The following KATNAL1 variants were observed in gnomAD, a reference collection of about 807,000 sequenced individuals.
The protein encoded by KATNAL1 is katanin catalytic subunit A1 like 1, also known as katanin p60 ATPase-containing subunit A-like 1.
In KATNAL1, 32 loss-of-function variants were observed where a neutral mutation model predicts 55.2. The observed-to-expected ratio is 0.58, with a 90% CI of 0.44 to 0.78. KATNAL1 has a LOEUF of 0.78. KATNAL1 is among the 30% of genes least tolerant of loss of function. The pLI, the probability that KATNAL1 is intolerant of heterozygous loss-of-function variation, is 0.00. For synonymous variants in KATNAL1, 193 were observed against 193.6 expected (o/e 1.00, Z 0.02); for missense variants, 466 against 600.9 (o/e 0.78, Z 2.35).
intron 1 of KATNAL1, among the ~76,000 whole-genome samples, chr13:30,298,652 T>C (rs868331076): frequency 6.6e-6 from 1 of 151,948 alleles, no homozygotes; most frequent in Admixed American, 6.5e-5. Flanking sequence ...ATTTGAAAAA[T>C]AATCAAAAAG....
intron 4 of KATNAL1, among the ~76,000 whole-genome samples, chr13:30,254,220 C>A (rs943510191): frequency 1.3e-5 from 2 of 152,050 alleles, no homozygotes; most frequent in Non-Finnish European, 2.9e-5. Context: ...AGAAAAGAAA[C>A]AAAAATAATA....
chr13:30,282,863 G>T (rs1404548200), intron 2 of KATNAL1, among the ~76,000 whole-genome samples: 2 of 150,404 alleles, frequency 1.3e-5, no homozygotes, highest in Admixed American at 6.6e-5. Flanking sequence ...GCTGAGGCAG[G>T]AGAATGGCGT....
chr13:30,251,260 A>AC (rs375144272), intron 4 of KATNAL1, among the ~76,000 whole-genome samples: 6 of 151,884 alleles, frequency 4.0e-5, no homozygotes, highest in Non-Finnish European at 7.4e-5. Flanking sequence ...AAGTAAAAAA[A>AC]ATCCTTTCGT....
intron 9 of KATNAL1, among the ~76,000 whole-genome samples, chr13:30,214,092 C>T (rs1157006204): frequency 6.6e-6 from 1 of 152,160 alleles, no homozygotes; most frequent in East Asian, 1.9e-4. Context: ...GATACAAAAT[C>T]AATGTACAAA....
chr13:30,235,614 C>T (rs1449684519), intron 6 of KATNAL1, among the ~76,000 whole-genome samples: 1 of 152,244 alleles, frequency 6.6e-6, no homozygotes, highest in African/African-American at 2.4e-5. Flanking sequence ...TCCATATTGT[C>T]ACACATCCAG....
chr13:30,219,310 A>C (rs1874618440), intron 9 of KATNAL1, among the ~76,000 whole-genome samples: 1 of 152,126 alleles, frequency 6.6e-6, no homozygotes, highest in Admixed American at 6.5e-5. Context: ...CTCCAGCCCC[A>C]AAACCTATCT....
chr13:30,221,937 G>C (rs1566089061), intron 9 of KATNAL1, among the ~76,000 whole-genome samples: 1 of 152,140 alleles, frequency 6.6e-6, no homozygotes, highest in Non-Finnish European at 1.5e-5. Flanking sequence ...TGTAATCCCA[G>C]CTACTTGGGA....
At chr13:30,263,807 A>G (rs1314710489) in intron 3 of KATNAL1, among the ~76,000 whole-genome samples, 42 of 142,598 alleles carry the variant, frequency 2.9e-4, no homozygotes, top group African/African-American at 1.1e-3. Flanking sequence ...TGCCCAAGGT[A>G]ATTTACAGAT....
Position 30,255,557 on chromosome 13 carries a change from C to G in KATNAL1, c.382G>C (p.Ala128Pro). 6.3e-7 allele frequency: 1 copy of G among 1,587,672 alleles called. No individual in the cohort carries two copies. The highest frequency in any genetic ancestry group is 8.6e-7 in the Non-Finnish European group (1 of 1,166,776). Residue 128 changes from alanine to proline, a missense_variant, in exon 4 of 11, where the codon GCA becomes CCA. Ala to Pro is a conservative substitution (Grantham distance 27). Coordinates refer to ENST00000380615, the MANE Select transcript of KATNAL1 (RefSeq NM_032116.5). ...ACAGGTCCCCGGGCTCCTACTCCTG[C>G]CATTTCTTTCCTCAGAGGTCTTACT... ...REVRPLRKEM[A>P]GVGARGPVGR... is the part of the protein sequence containing the mutation.
intron 9 of KATNAL1, among the ~76,000 whole-genome samples, chr13:30,215,590 C>A (rs1482500131): frequency 6.6e-6 from 1 of 152,154 alleles, no homozygotes; most frequent in East Asian, 1.9e-4. Flanking sequence ...GAATACTATG[C>A]AGCCATAAAA....
In KATNAL1 at chr13:30,283,525, C is replaced by G. The variant is rs115748790; in HGVS notation, c.162+91G>C. 1.7e-3 allele frequency: 2,009 copies of G among 1,178,682 alleles called. 34 individuals carry two copies. In the African/African-American group the frequency reaches 0.027, roughly 16 times the overall value. 73.0% of individuals were successfully genotyped at this position (1,178,682 alleles called of 1,614,324 possible). On this transcript the variant is annotated intron_variant, in intron 2 of 10. Transcript: ENST00000380615. ...AGATAAATAGGCACTATTTCCATCT[C>G]AAACTCAAAATTAGATTTTCCAACT...
intron 3 of KATNAL1, among the ~76,000 whole-genome samples, chr13:30,279,354 T>C (rs1881099685): frequency 1.3e-5 from 2 of 152,188 alleles, no homozygotes; most frequent in Admixed American, 1.3e-4. Context: ...AAATGCAACA[T>C]GATAACCACT....
intron 6 of KATNAL1, among the ~76,000 whole-genome samples, chr13:30,232,898 T>C (rs975807748): frequency 7.2e-5 from 11 of 152,264 alleles, no homozygotes; most frequent in African/African-American, 2.6e-4. Flanking sequence ...GATAGCCATA[T>C]GCAGAAGAAT....
intron 3 of KATNAL1, among the ~76,000 whole-genome samples, chr13:30,270,997 TAAA>T (rs1880312272): frequency 6.6e-6 from 1 of 151,982 alleles, no homozygotes; most frequent in African/African-American, 2.4e-5. Context: ...GTAAATACTT[TAAA>T]TAAGGTGGTC....
At chr13:30,299,447 C>T (rs1882728343) in intron 1 of KATNAL1, among the ~76,000 whole-genome samples, 1 of 151,984 alleles carries the variant, frequency 6.6e-6, no homozygotes, top group African/African-American at 2.4e-5. Context: ...ATGCAGATAA[C>T]TGAAGCAGTT....
At chr13:30,292,139 A>G (rs1882175337) in intron 1 of KATNAL1, among the ~76,000 whole-genome samples, 1 of 152,232 alleles carries the variant, frequency 6.6e-6, no homozygotes. Context: ...AGATTCATAC[A>G]TACAAAGCCA....
In KATNAL1 at chr13:30,227,424, G is replaced by A. The variant is rs755745636; in HGVS notation, c.1135C>T (p.Pro379Ser). Residue 379 changes from proline (P) to serine (S), a missense_variant, in exon 9 of 11, where the codon CCT becomes TCT. Pro to Ser is a moderately conservative substitution (Grantham distance 74, BLOSUM62 -1). Around this residue, in one of 3 missense-constraint regions of KATNAL1, gnomAD observed 213 missense variants for 308.6 expected, o/e 0.69. Coordinates refer to ENST00000380615, the MANE Select transcript of KATNAL1 (RefSeq NM_032116.5). Reference sequence around the variant, plus strand: ...GAAGACATCATACCTGTTGGGAGAGGTATATATATCCTTTTTTCTAACCTT... The same window carrying A: ...GAAGACATCATACCTGTTGGGAGAGATATATATATCCTTTTTTCTAACCTT... ...RRRLEKRIYIPLPTAKGRAEL... is the reference protein window; with the variant it reads ...RRRLEKRIYISLPTAKGRAEL... 5.6e-6 allele frequency: 9 copies of A among 1,613,796 alleles called. No individual in the cohort carries two copies. Among genetic ancestry groups the A allele is most frequent in the Non-Finnish European group, 7.6e-6 (9 of 1,179,820 alleles).
chr13:30,277,082 A>C (rs1263903380), intron 3 of KATNAL1, among the ~76,000 whole-genome samples: 1 of 152,216 alleles, frequency 6.6e-6, no homozygotes, highest in Non-Finnish European at 1.5e-5. Flanking sequence ...CCAACTGCTT[A>C]AGACTTGGAC....
At chr13:30,280,339 CATT>C in intron 2 of KATNAL1, 116 bp from the exon 3 acceptor site, 2 of 664,634 alleles carry the variant, frequency 3.0e-6, no homozygotes, top group Non-Finnish European at 4.5e-6. Context: ...AAAAATGAAT[CATT>C]AAAACATTCA....
Sources: allele counts gnomAD v4.1 joint callset (sites outside exome capture counted in the v4.1 genomes callset), GRCh38; gene constraint gnomAD v4.1.1; regional missense constraint gnomAD v4.1.1; transcripts MANE v1.5; gene names NCBI Gene and HGNC (gene_info 2026-07-23, HGNC 2026-07-21).